PSTPIP2: variants seen among roughly 807,000 people sequenced by gnomAD.
The protein encoded by PSTPIP2 is proline-serine-threonine phosphatase-interacting protein 2.
Under a neutral mutation model 63.3 loss-of-function variants are expected in PSTPIP2, and 33 were observed. The ratio of observed to expected loss-of-function variants is 0.52; its 90% CI spans 0.40 to 0.70. The LOEUF (loss-of-function observed/expected upper bound fraction) is 0.70, where lower values mean the gene tolerates loss of function less well. Among genes scored for constraint, PSTPIP2 ranks in the 30% least tolerant of loss-of-function variants. The pLI is 0.00. For missense variants in PSTPIP2, 312 were observed against 400.7 expected (o/e 0.78, Z 1.89); for synonymous variants, 125 against 132.7 (o/e 0.94, Z 0.40).
chr18:45,999,554 GA>G lies in PSTPIP2; in HGVS notation c.418-21del. 6.2e-7 allele frequency: 1 copy of G among 1,613,400 alleles called. No homozygotes were observed. The highest frequency in any genetic ancestry group is 8.5e-7 in the Non-Finnish European group (1 of 1,179,416). The stretch of plus-strand genomic sequence containing the variant: ...CTTTGCCTTTGTCATTATGAACAAA[GA>G]GAACCAAAACAAATGAACAGAGTGT... On this transcript the variant is annotated intron_variant, in intron 6 of 14. Coordinates refer to ENST00000409746, the MANE Select transcript of PSTPIP2 (RefSeq NM_024430.4).
chr18:45,985,569 G>A, intron 14 of PSTPIP2, 119 bp from the exon 15 acceptor site: 2 of 947,258 alleles, frequency 2.1e-6, no homozygotes, highest in Non-Finnish European at 1.6e-6. Context: ...CAAATGGTGA[G>A]GAATGGGTAT....
rs2051539628 is a variant in PSTPIP2 at position 45,991,981 on chromosome 18, G to A, written c.841C>T (p.Pro281Ser). The A allele has an allele frequency of 6.2e-7, 1 of 1,612,220 alleles. No homozygotes were observed. The highest frequency in any genetic ancestry group is 8.5e-7 in the Non-Finnish European group (1 of 1,178,350). The change falls in exon 12 of 15, where the codon CCC becomes TCC. Residue 281 changes from proline to serine, a missense_variant and splice_region_variant. Coordinates refer to ENST00000409746, the MANE Select transcript of PSTPIP2 (RefSeq NM_024430.4). ...QRKTGQIPPA[P>S]IMYENFYSSQ... ...GAGTAGAAATTCTCATACATGATGG[G>A]TGCTAGGAGAGTCACCAAGAAACAG...
intron 3 of PSTPIP2, among the ~76,000 whole-genome samples, chr18:46,017,722 G>A (rs1447085926): frequency 6.6e-6 from 1 of 152,048 alleles, no homozygotes; most frequent in East Asian, 1.9e-4. Context: ...GTTCAATAGA[G>A]CAAAGTTACA....
intron 8 of PSTPIP2, among the ~76,000 whole-genome samples, chr18:45,998,122 T>C (rs1345451281): frequency 1.1e-4 from 16 of 152,214 alleles, no homozygotes; most frequent in Non-Finnish European, 5.9e-5. Context: ...GTTTTGTTTG[T>C]GTAATTCCAC....
intron 4 of PSTPIP2, among the ~76,000 whole-genome samples, chr18:46,013,106 A>G (rs1235187949): frequency 6.6e-6 from 1 of 151,494 alleles, no homozygotes; most frequent in East Asian, 1.9e-4. Context: ...TAAGAAAATA[A>G]AACTTATTTT....
chr18:46,009,661 C>T (rs1213948062), intron 5 of PSTPIP2, among the ~76,000 whole-genome samples: 2 of 151,446 alleles, frequency 1.3e-5, no homozygotes, highest in Non-Finnish European at 2.9e-5. Context: ...TTTCAGAAAC[C>T]TTGCAAAATT....
chr18:46,070,962 G>T (rs1033842711), intron 1 of PSTPIP2, among the ~76,000 whole-genome samples: 3 of 152,102 alleles, frequency 2.0e-5, no homozygotes, highest in African/African-American at 7.2e-5. Flanking sequence ...TGCCTGCCAT[G>T]GGATCCCCCA....
At chr18:46,016,796 G>A (rs2051856374) in intron 3 of PSTPIP2, among the ~76,000 whole-genome samples, 1 of 152,116 alleles carries the variant, frequency 6.6e-6, no homozygotes, top group African/African-American at 2.4e-5. Context: ...GGAAGAATCT[G>A]CTTACTCAAG....
intron 3 of PSTPIP2, among the ~76,000 whole-genome samples, chr18:46,019,250 T>C (rs1195635746): frequency 2.0e-5 from 3 of 152,168 alleles, no homozygotes; most frequent in East Asian, 1.9e-4. Context: ...TATATATATA[T>C]GTATATATGG....
chr18:45,984,273 A>C lies in PSTPIP2; in HGVS notation c.*1186T>G, dbSNP rs2051445851. The C allele has an allele frequency of 6.6e-6, 1 of 152,234 alleles. No individual in the cohort carries two copies. Among genetic ancestry groups the C allele is most frequent in the African/African-American group, 2.4e-5 (1 of 41,458 alleles). 9.4% of individuals were successfully genotyped at this position (152,234 alleles called of 1,614,324 possible). On this transcript the variant is annotated 3_prime_UTR_variant, in exon 15 of 15. Coordinates refer to ENST00000409746, the MANE Select transcript of PSTPIP2 (RefSeq NM_024430.4). ...TGCTCTCTGTAATACTGAAAAACTG[A>C]GAGTGCTATTTTAACTTGTCAATAA... is the stretch of plus-strand genomic sequence containing the variant.
intron 9 of PSTPIP2, among the ~76,000 whole-genome samples, chr18:45,994,133 G>A (rs773837187): frequency 3.3e-5 from 5 of 152,062 alleles, no homozygotes; most frequent in Admixed American, 2.0e-4. Flanking sequence ...ATGGGAGGCC[G>A]TGTACTTGTC....
At chr18:46,058,145 T>A (rs1032532083) in intron 1 of PSTPIP2, among the ~76,000 whole-genome samples, 1 of 152,120 alleles carries the variant, frequency 6.6e-6, no homozygotes, top group African/African-American at 2.4e-5. Flanking sequence ...TAAGTACACT[T>A]CTTCAACATC....
intron 2 of PSTPIP2, among the ~76,000 whole-genome samples, chr18:46,030,096 A>G (rs894296955): frequency 1.3e-5 from 2 of 152,006 alleles, no homozygotes; most frequent in Non-Finnish European, 2.9e-5. Flanking sequence ...CCTCCGTGAC[A>G]AGAACAAGAC....
rs1469722715 is a variant in PSTPIP2 at position 45,992,214 on chromosome 18, A to C, written c.742-12T>G. 2 of 1,563,352 alleles carry C rather than the reference A, an allele frequency of 1.3e-6. No individual in the cohort carries two copies. The highest frequency in any genetic ancestry group is 2.3e-5 in the South Asian group (2 of 85,604). On this transcript the variant is annotated splice_polypyrimidine_tract_variant and intron_variant, in intron 10 of 14. Transcript: ENST00000409746. ...ACTTGTTCGTACATCTAATAAAAAAAGGTCAATTAATAGGTAGAGGTATGT... is the reference window on the plus strand; with the variant it reads ...ACTTGTTCGTACATCTAATAAAAAACGGTCAATTAATAGGTAGAGGTATGT...
intron 2 of PSTPIP2, among the ~76,000 whole-genome samples, chr18:46,033,208 C>G (rs1235068766): frequency 6.6e-6 from 1 of 152,198 alleles, no homozygotes; most frequent in East Asian, 1.9e-4. Flanking sequence ...TACTCTATTT[C>G]CCATGATGCT....
chr18:46,045,459 A>C (rs1278964247), intron 1 of PSTPIP2, among the ~76,000 whole-genome samples: 1 of 152,164 alleles, frequency 6.6e-6, no homozygotes. Context: ...GGAATTGAAC[A>C]ATGAGAACAC....
chr18:45,997,934 G>A, intron 8 of PSTPIP2, 106 bp from the exon 9 acceptor site: 1 of 958,234 alleles, frequency 1.0e-6, no homozygotes, highest in South Asian at 1.3e-5. Flanking sequence ...TCCGAGTTGT[G>A]CTGAGCTTAC....
At chr18:46,059,506 C>T (rs193034112) in intron 1 of PSTPIP2, among the ~76,000 whole-genome samples, 95 of 152,202 alleles carry the variant, frequency 6.2e-4, no homozygotes, top group African/African-American at 2.3e-3. Context: ...GCCTCAGCTT[C>T]CCAAAGTGCT....
chr18:46,038,902 C>T (rs1028646762), intron 2 of PSTPIP2, among the ~76,000 whole-genome samples: 7 of 152,038 alleles, frequency 4.6e-5, no homozygotes, highest in East Asian at 1.9e-4. Flanking sequence ...TTTGGGAGGC[C>T]GAGGCAGGCA....
Sources: allele counts gnomAD v4.1 joint callset (sites outside exome capture counted in the v4.1 genomes callset), GRCh38; gene constraint gnomAD v4.1.1; transcripts MANE v1.5; gene names NCBI Gene and HGNC (gene_info 2026-07-23, HGNC 2026-07-21).